Variants in TACC2 observed in about 807,000 individuals in gnomAD.
The protein encoded by TACC2 is transforming acidic coiled-coil-containing protein 2.
In TACC2, 137 loss-of-function variants were observed where a neutral mutation model predicts 227.3. The ratio of observed to expected loss-of-function variants is 0.60; its 90% CI spans 0.52 to 0.69. The LOEUF (loss-of-function observed/expected upper bound fraction) is 0.69, where lower values mean the gene tolerates loss of function less well. Ranked by LOEUF, TACC2 falls within the 30% of genes least tolerant of loss-of-function variation. The probability of loss-of-function intolerance (pLI) is 0.00; values close to 1 mark genes in which losing one functional copy is unlikely to be tolerated. For synonymous variants in TACC2, 1,523 were observed against 1,487.5 expected, an observed-to-expected ratio of 1.02 and a Z score of -0.55; for missense variants, 3,470 against 3,694.4, an observed-to-expected ratio of 0.94 and a Z score of 1.57.
chr10:122,126,159 G>A (rs2086809500), intron 5 of TACC2, among the ~76,000 whole-genome samples: 2 of 152,142 alleles, frequency 1.3e-5, no homozygotes, highest in Admixed American at 6.5e-5. Flanking sequence ...CACCATTAAG[G>A]TTTCTTCCAT....
chr10:122,083,123 C>T lies in TACC2; in HGVS notation c.623C>T (p.Pro208Leu). 1 of 1,613,072 alleles carries T rather than the reference C, an allele frequency of 6.2e-7. No homozygotes were observed. Among genetic ancestry groups the T allele is most frequent in the Non-Finnish European group, 8.5e-7 (1 of 1,180,018 alleles). The change falls in exon 4 of 23, where the codon CCA (proline) becomes CTA (leucine). Residue 208 changes from proline to leucine, a missense_variant. Physicochemically the swap from Pro to Leu is moderately conservative, Grantham distance 98. This residue lies in a region of TACC2 where 405 missense variants were observed against 389.6 expected (regional missense o/e 1.04). Coordinates refer to ENST00000369005, the MANE Select transcript of TACC2 (RefSeq NM_206862.4). ...PGMSPVPLRE[P>L]MKAPLCGEGD... Reference sequence around the variant, plus strand: ...ATGTCGCCAGTACCCCTCAGAGAGCCAATGAAGGCACCGCTGTGTGGAGAG... The same window carrying T: ...ATGTCGCCAGTACCCCTCAGAGAGCTAATGAAGGCACCGCTGTGTGGAGAG...
chr10:122,221,440 C>G (rs2095521531), intron 11 of TACC2, among the ~76,000 whole-genome samples: 1 of 152,106 alleles, frequency 6.6e-6, no homozygotes, highest in Admixed American at 6.6e-5. Context: ...TGGTGGTCAC[C>G]CAGTTGCCCT....
chr10:122,072,792 C>T (rs1334102681), intron 3 of TACC2, among the ~76,000 whole-genome samples: 3 of 151,998 alleles, frequency 2.0e-5, no homozygotes, highest in Non-Finnish European at 4.4e-5. Flanking sequence ...TTCAACAGAG[C>T]GTAGACCCAG....
Position 122,087,778 on chromosome 10 carries a change from G to A in TACC2, c.5278G>A (p.Gly1760Ser). 6.2e-7 allele frequency: 1 copy of A among 1,602,508 alleles called. No homozygotes were observed. Among genetic ancestry groups the A allele is most frequent in the Non-Finnish European group, 8.5e-7 (1 of 1,174,040 alleles). ...CTCTGACAAGGCTCCGGGGATGGAG[G>A]GTACAGCTGCCCTTCATGGGGACAG... ...ACSDKAPGMEGTAALHGDSPA... is the reference protein window; with the variant it reads ...ACSDKAPGMESTAALHGDSPA... Residue 1760 changes from glycine (G) to serine (S), a missense_variant, in exon 4 of 23, where the codon GGT becomes AGT. Around this residue, in one of 10 missense-constraint regions of TACC2, gnomAD observed 1,924 missense variants for 1,978.3 expected, o/e 0.97. Coordinates refer to ENST00000369005, the MANE Select transcript of TACC2 (RefSeq NM_206862.4).
intron 8 of TACC2, among the ~76,000 whole-genome samples, chr10:122,195,744 C>T (rs1348096144): frequency 6.6e-6 from 1 of 152,016 alleles, no homozygotes; most frequent in Non-Finnish European, 1.5e-5. Context: ...AGATCTCGTC[C>T]CCACCCCACC....
At chr10:122,009,381 G>A (rs1955645675) in intron 1 of TACC2, among the ~76,000 whole-genome samples, 1 of 152,168 alleles carries the variant, frequency 6.6e-6, no homozygotes, top group Non-Finnish European at 1.5e-5. Flanking sequence ...GTGCATGCCT[G>A]TAATCTCAGC....
Position 122,211,390 on chromosome 10 carries a change from C to T in TACC2, c.6965C>T (p.Pro2322Leu). 1 of 1,614,140 alleles carries T rather than the reference C, an allele frequency of 6.2e-7. No individual in the cohort carries two copies. Among genetic ancestry groups the T allele is most frequent in the African/African-American group, 1.3e-5 (1 of 75,034 alleles). ...DNTPASPPRS[P>L]AEPNDIPIAK... ...ACTCCTGCCTCACCTCCCAGATCCC[C>T]TGCTGAACCCAATGACATCCCCATT... The change falls in exon 9 of 23, where the codon CCT (proline) becomes CTT (leucine). Residue 2322 changes from proline (P) to leucine (L), a missense_variant. Transcript: ENST00000369005.
At chr10:122,224,119 A>G (rs1236622588) in intron 11 of TACC2, among the ~76,000 whole-genome samples, 1 of 152,172 alleles carries the variant, frequency 6.6e-6, no homozygotes, top group African/African-American at 2.4e-5. Context: ...TTCTCCACCC[A>G]TTGGACTTTA....
At chr10:122,036,149 G>A (rs912424369) in intron 2 of TACC2, among the ~76,000 whole-genome samples, 2 of 151,734 alleles carry the variant, frequency 1.3e-5, no homozygotes, top group Non-Finnish European at 2.9e-5. Context: ...CTATAAGGCC[G>A]AATGATATTC....
intron 5 of TACC2, among the ~76,000 whole-genome samples, chr10:122,095,426 C>T (rs1171294828): frequency 1.3e-5 from 2 of 152,202 alleles, no homozygotes; most frequent in Non-Finnish European, 2.9e-5. Flanking sequence ...TTATTGAGAG[C>T]ACCTGCCACA....
chr10:122,192,624 G>T, intron 7 of TACC2: 1 of 449,988 alleles, frequency 2.2e-6, no homozygotes, highest in Non-Finnish European at 4.5e-6. Flanking sequence ...CAAGAGATAC[G>T]AGCAGGGGAA....
intron 7 of TACC2, among the ~76,000 whole-genome samples, chr10:122,177,763 G>T (rs1187798158): frequency 6.6e-6 from 1 of 152,118 alleles, no homozygotes; most frequent in African/African-American, 2.4e-5. Context: ...GAGGTGTACA[G>T]GGGCGAAACT....
chr10:122,078,357 G>T (rs140028259), intron 3 of TACC2, among the ~76,000 whole-genome samples: 1 of 152,166 alleles, frequency 6.6e-6, no homozygotes, highest in East Asian at 1.9e-4. Flanking sequence ...TCTGTAGCTG[G>T]CCTCCTTCCT....
Position 122,194,309 on chromosome 10 carries a change from T to G in TACC2, c.5835-731T>G, listed in dbSNP as rs1177544746. On this transcript the variant is annotated intron_variant, in intron 7 of 22. Coordinates refer to ENST00000369005, the MANE Select transcript of TACC2 (RefSeq NM_206862.4). The surrounding 1 kb of genome is among the most constrained non-coding windows in gnomAD (Gnocchi z 4.4). ...AGAGTTTCTCCACATGGATTTTTGGTCCAGTTCTCTGGGTGAAGAGTCTTC... is the reference window on the plus strand; with the variant it reads ...AGAGTTTCTCCACATGGATTTTTGGGCCAGTTCTCTGGGTGAAGAGTCTTC... Among the ~76,000 whole-genome samples, 1 of 152,220 alleles carries G rather than the reference T, an allele frequency of 6.6e-6. No homozygotes were observed. Among genetic ancestry groups the G allele is most frequent in the East Asian group, 1.9e-4 (1 of 5,190 alleles).
chr10:122,016,885 C>T (rs996606219), intron 1 of TACC2, among the ~76,000 whole-genome samples: 14 of 152,130 alleles, frequency 9.2e-5, no homozygotes, highest in Non-Finnish European at 1.8e-4. Flanking sequence ...AAATGAAGCC[C>T]TATGGGGGTG....
intron 5 of TACC2, among the ~76,000 whole-genome samples, chr10:122,122,214 G>A (rs1233220268): frequency 3.9e-5 from 6 of 152,074 alleles, no homozygotes; most frequent in Non-Finnish European, 8.8e-5. Context: ...AATTAGCCGG[G>A]TGTGGTGGTG....
At chr10:122,000,816 TTTTG>T (rs1253226733) in intron 1 of TACC2, among the ~76,000 whole-genome samples, 2 of 152,056 alleles carry the variant, frequency 1.3e-5, no homozygotes, top group South Asian at 2.1e-4. Flanking sequence ...TTTGTTGTTG[TTTTG>T]TTTGTTTGTT....
At chr10:122,029,865 C>T (rs10887052) in intron 2 of TACC2, among the ~76,000 whole-genome samples, 22,547 of 150,312 alleles carry the variant, frequency 0.15, 2,085 homozygotes, top group Admixed American at 0.23. Context: ...GGACCTCAAG[C>T]TCCCTGCAGG....
intron 7 of TACC2, among the ~76,000 whole-genome samples, chr10:122,179,612 C>T (rs7084191): frequency 0.33 from 49,867 of 151,642 alleles, 8,750 homozygotes; most frequent in Admixed American, 0.42. Flanking sequence ...CCTGCTCCTG[C>T]TGCTGTTGTT....
Sources: gnomAD v4.1 joint callset for allele counts (sites outside exome capture counted in the v4.1 genomes callset) on GRCh38, gnomAD v4.1.1 for gene constraint, gnomAD v4.1.1 regional missense constraint, Gnocchi (gnomAD v3.1) non-coding constraint, MANE v1.5 for transcripts, NCBI Gene and HGNC (gene_info 2026-07-23, HGNC 2026-07-21) for gene names.